Variants in CFAP77 observed in about 807,000 individuals in gnomAD.
The protein encoded by CFAP77 is cilia and flagella associated protein 77.
In CFAP77, 25 loss-of-function variants were observed where a neutral mutation model predicts 31.1. The ratio of observed to expected loss-of-function variants is 0.80; its 90% CI spans 0.59 to 1.12. The LOEUF is 1.12. Ranked by LOEUF, CFAP77 falls within the 50% of genes most tolerant of loss-of-function variation. CFAP77 has a pLI of 0.00. For synonymous variants in CFAP77, 151 were observed against 159.9 expected, an observed-to-expected ratio of 0.94 and a Z score of 0.42; for missense variants, 377 against 397.3, an observed-to-expected ratio of 0.95 and a Z score of 0.44.
chr9:132,518,209 G>A (rs567523179), intron 3 of CFAP77, among the ~76,000 whole-genome samples: 1 of 152,214 alleles, frequency 6.6e-6, no homozygotes, highest in Non-Finnish European at 1.5e-5. Flanking sequence ...TGAGACCCCT[G>A]GATGGGGCCC....
In CFAP77 at chr9:132,414,503, A is replaced by T. The variant is rs1451732859; in HGVS notation, c.195+4037A>T. Among the ~76,000 whole-genome samples, 10 of 64,620 alleles carry T rather than the reference A, an allele frequency of 1.5e-4. No individual in the cohort carries two copies. The South Asian group carries it at 4.6e-3, about 30-fold the overall frequency. 42.4% of individuals were successfully genotyped at this position (64,620 alleles called of 152,430 possible). A position where few individuals can be genotyped will look rare whatever the true frequency, so the allele number is the denominator to read the frequency against. ...TTGGGAAATGTTAGCTCTTATTCAC[A>T]CACACACACACACACACACACACAC... On this transcript the variant is annotated intron_variant, in intron 1 of 5. Transcript: ENST00000393216.
At chr9:132,470,901 C>T (rs964548160) in intron 1 of CFAP77, among the ~76,000 whole-genome samples, 3 of 152,192 alleles carry the variant, frequency 2.0e-5, no homozygotes, top group African/African-American at 7.2e-5. Context: ...TCACTTGAAT[C>T]CAGGAGGTGG....
rs1234375855 is a variant in CFAP77 at position 132,422,013 on chromosome 9, C to CTT, written c.195+11558_195+11559dup. Among the ~76,000 whole-genome samples the CTT allele has an allele frequency of 6.0e-3, 857 of 143,806 alleles. 11 individuals are homozygous for CTT. Among genetic ancestry groups the CTT allele is most frequent in the African/African-American group, 0.02 (802 of 39,574 alleles). 94.3% of individuals were successfully genotyped at this position (143,806 alleles called of 152,430 possible). On this transcript the variant is annotated intron_variant, in intron 1 of 5. Transcript: ENST00000393216. Reference sequence around the variant, plus strand: ...ATAAGACAGCCTTAGTCCCAGGTGGCTTTTTTTTTTTTGAGACGGAGTTTT... The same window carrying CTT: ...ATAAGACAGCCTTAGTCCCAGGTGGCTTTTTTTTTTTTTTGAGACGGAGTTTT...
chr9:132,413,751 T>C (rs1850050717), intron 1 of CFAP77, among the ~76,000 whole-genome samples: 1 of 152,200 alleles, frequency 6.6e-6, no homozygotes, highest in African/African-American at 2.4e-5. Flanking sequence ...TCTGTCTCCC[T>C]GGAGAGGCTG....
rs950717658 is a variant in CFAP77 at position 132,490,604 on chromosome 9, C to A, written c.196-8091C>A. ...GCGCTGGGCACTCCCACCTCTGGCTCCAGGCCGCTCCCTGCTCTAAGTCCC... is the reference window on the plus strand; with the variant it reads ...GCGCTGGGCACTCCCACCTCTGGCTACAGGCCGCTCCCTGCTCTAAGTCCC... On this transcript the variant is annotated intron_variant, in intron 1 of 5. Transcript: ENST00000393216. The surrounding 1 kb of genome is among the most constrained non-coding windows in gnomAD (Gnocchi z 4.6). 1.3e-5 allele frequency among the ~76,000 whole-genome samples: 2 copies of A among 152,182 alleles called. No homozygotes were observed. The highest frequency in any genetic ancestry group is 4.1e-4 in the South Asian group (2 of 4,834).
rs1221264652 is a variant in CFAP77 at position 132,551,296 on chromosome 9, T to A, written c.732+8249T>A. On this transcript the variant is annotated intron_variant, in intron 5 of 5. Coordinates refer to ENST00000393216, the MANE Select transcript of CFAP77 (RefSeq NM_001282957.2). ...GCCTGGGTGCCCTTTTTTTTTTTTTTAAACTGTATTTTATTTTTTTAAGAT... is the reference window on the plus strand; with the variant it reads ...GCCTGGGTGCCCTTTTTTTTTTTTTAAAACTGTATTTTATTTTTTTAAGAT... Among the ~76,000 whole-genome samples, 6 of 149,860 alleles carry A rather than the reference T, an allele frequency of 4.0e-5. 1 individual carries two copies. The highest frequency in any genetic ancestry group is 1.5e-4 in the African/African-American group (6 of 40,150).
At chr9:132,567,791 A>G (rs1049161493) in intron 5 of CFAP77, among the ~76,000 whole-genome samples, 1 of 152,068 alleles carries the variant, frequency 6.6e-6, no homozygotes, top group African/African-American at 2.4e-5. Context: ...TGGGCTCCCG[A>G]TGCTCCTTGG....
chr9:132,416,136 G>T (rs1850091004), intron 1 of CFAP77, among the ~76,000 whole-genome samples: 1 of 152,016 alleles, frequency 6.6e-6, no homozygotes, highest in Admixed American at 6.6e-5. Context: ...TGAGGGCTTT[G>T]CGGTGGTCCC....
intron 5 of CFAP77, among the ~76,000 whole-genome samples, chr9:132,551,456 C>T (rs139483231): frequency 0.073 from 11,182 of 152,186 alleles, 457 homozygotes; most frequent in Middle Eastern, 0.11. Context: ...CCACCACGCC[C>T]GGCTAATTTT....
chr9:132,550,519 CTTTTTT>C (rs766424349), intron 5 of CFAP77, among the ~76,000 whole-genome samples: 1 of 102,820 alleles, frequency 9.7e-6, no homozygotes, highest in African/African-American at 3.9e-5. Flanking sequence ...TCCCTTGAAG[CTTTTTT>C]TTTTTTTTTT....
intron 3 of CFAP77, among the ~76,000 whole-genome samples, chr9:132,506,366 A>G (rs1294957511): frequency 1.3e-5 from 2 of 152,150 alleles, no homozygotes; most frequent in African/African-American, 2.4e-5. Context: ...GTGTTTGCAA[A>G]TGTTCGCATG....
chr9:132,529,724 G>A (rs1852404771), intron 3 of CFAP77, among the ~76,000 whole-genome samples: 1 of 151,494 alleles, frequency 6.6e-6, no homozygotes, highest in Admixed American at 6.6e-5. Context: ...TACTCGGGAG[G>A]CTGACACAGG....
chr9:132,486,947 G>A (rs950683901), intron 1 of CFAP77, among the ~76,000 whole-genome samples: 2 of 152,242 alleles, frequency 1.3e-5, no homozygotes, highest in African/African-American at 2.4e-5. Flanking sequence ...AAGGGAGGCC[G>A]GGCTGCCCCG....
At chr9:132,449,034 A>G (rs1850775548) in intron 1 of CFAP77, among the ~76,000 whole-genome samples, 1 of 152,212 alleles carries the variant, frequency 6.6e-6, no homozygotes, top group Non-Finnish European at 1.5e-5. Context: ...GGACAAGGGT[A>G]GGGCACCGTG....
intron 3 of CFAP77, among the ~76,000 whole-genome samples, chr9:132,516,622 C>T (rs1388742624): frequency 6.6e-6 from 1 of 151,570 alleles, no homozygotes; most frequent in Non-Finnish European, 1.5e-5. Flanking sequence ...CACACACACA[C>T]GAGTATGGGC....
In CFAP77 at chr9:132,539,720, C is replaced by T. The variant is rs117699788; in HGVS notation, c.630+2014C>T. ...CAGGGCCTCTCCTGGCTCTTCTCAG[C>T]AGTCTGCAGAACGTCAGACACCTCA... On this transcript the variant is annotated intron_variant, in intron 4 of 5. Coordinates refer to ENST00000393216, the MANE Select transcript of CFAP77 (RefSeq NM_001282957.2). This position sits in a 1 kb window ranked among gnomAD's most constrained non-coding sequence, Gnocchi z 4.3. Among the ~76,000 whole-genome samples the T allele has an allele frequency of 2.6e-4, 40 of 152,260 alleles. No homozygotes were observed. In the East Asian group the frequency reaches 7.7e-3, roughly 29 times the overall value.
chr9:132,474,224 C>T (rs2131738703), intron 1 of CFAP77, among the ~76,000 whole-genome samples: 1 of 152,290 alleles, frequency 6.6e-6, no homozygotes, highest in South Asian at 2.1e-4. Flanking sequence ...GTAGAGAATA[C>T]ATGTGGTCTG....
Position 132,499,235 on chromosome 9 carries a change from G to A in CFAP77, c.296-137G>A, listed in dbSNP as rs1223456258. On this transcript the variant is annotated intron_variant, in intron 2 of 5. Transcript: ENST00000393216. This position sits in a 1 kb window ranked among gnomAD's most constrained non-coding sequence, Gnocchi z 5.4. The stretch of plus-strand genomic sequence containing the variant: ...GGGCCATCATGCTTTCTGGGGGCCA[G>A]GCAGGGTTGTCACCCAGTAGGCTCA... 1 of 730,596 alleles carries A rather than the reference G, an allele frequency of 1.4e-6. No individual in the cohort carries two copies. 45.3% of individuals were successfully genotyped at this position (730,596 alleles called of 1,614,324 possible).
chr9:132,536,689 C>T (rs920991759), intron 3 of CFAP77, among the ~76,000 whole-genome samples: 1 of 152,180 alleles, frequency 6.6e-6, no homozygotes, highest in Non-Finnish European at 1.5e-5. Context: ...CCACTGCACC[C>T]AGCCCATAGT....
Sources: gnomAD v4.1 joint callset for allele counts (sites outside exome capture counted in the v4.1 genomes callset) on GRCh38, gnomAD v4.1.1 for gene constraint, Gnocchi (gnomAD v3.1) non-coding constraint, MANE v1.5 for transcripts, NCBI Gene and HGNC (gene_info 2026-07-23, HGNC 2026-07-21) for gene names.